MYO1D: variants seen among roughly 807,000 people sequenced by gnomAD.
MYO1D encodes the protein unconventional myosin-Id.
A neutral mutation model predicts 122.0 loss-of-function variants in MYO1D; 83 were observed. That is an observed-to-expected ratio of 0.68 (90% confidence interval 0.57 to 0.82). The LOEUF (loss-of-function observed/expected upper bound fraction) is 0.82. Among genes scored for constraint, MYO1D ranks in the 40% least tolerant of loss-of-function variants. The pLI is 0.00. For missense variants in MYO1D, 1,157 were observed against 1,269.5 expected, an observed-to-expected ratio of 0.91 and a Z score of 1.35; for synonymous variants, 464 against 446.9, an observed-to-expected ratio of 1.04 and a Z score of -0.48.
chr17:32,617,378 C>CT (rs1282898498), intron 20 of MYO1D, among the ~76,000 whole-genome samples: 1 of 152,148 alleles, frequency 6.6e-6, no homozygotes, highest in Non-Finnish European at 1.5e-5. Context: ...CACCCCTAGT[C>CT]TTTAAGTCTT....
intron 14 of MYO1D, among the ~76,000 whole-genome samples, chr17:32,732,247 TG>T (rs2089649803): frequency 6.6e-6 from 1 of 152,194 alleles, no homozygotes; most frequent in African/African-American, 2.4e-5. Flanking sequence ...GACAGGTGCC[TG>T]GGCAGAAAGG....
chr17:32,762,543 T>C (rs1190107084), intron 8 of MYO1D, among the ~76,000 whole-genome samples: 1 of 152,098 alleles, frequency 6.6e-6, no homozygotes, highest in Non-Finnish European at 1.5e-5. Flanking sequence ...CTAGCCCCCA[T>C]AACATTCTCC....
At chr17:32,678,323 A>G (rs990364805) in intron 16 of MYO1D, among the ~76,000 whole-genome samples, 2 of 151,256 alleles carry the variant, frequency 1.3e-5, no homozygotes, top group African/African-American at 4.9e-5. Context: ...TTAGTTACAT[A>G]TGCATACATG....
chr17:32,802,892 TA>T (rs1184976662), intron 1 of MYO1D, among the ~76,000 whole-genome samples: 1 of 152,164 alleles, frequency 6.6e-6, no homozygotes, highest in African/African-American at 2.4e-5. Context: ...CCTGCTGGTC[TA>T]AAAAAGCTGG....
At chr17:32,874,304 C>CTCTCTCTCTCTCTGTGTCTCTG (rs6146033) in intron 1 of MYO1D, among the ~76,000 whole-genome samples, 96,642 of 149,138 alleles carry the variant, frequency 0.65, 32,481 homozygotes, top group African/African-American at 0.85. Flanking sequence ...GTCTCTGTCT[C>CTCTCTCTCTCTCTGTGTCTCTG]TCTCTCTCTC....
intron 21 of MYO1D, among the ~76,000 whole-genome samples, chr17:32,533,080 TCTC>T (rs1310081768): frequency 6.6e-6 from 1 of 152,150 alleles, no homozygotes; most frequent in African/African-American, 2.4e-5. Flanking sequence ...ATTCCTTTTG[TCTC>T]CTCTACCCTC....
intron 1 of MYO1D, among the ~76,000 whole-genome samples, chr17:32,846,846 G>GT (rs2151078341): frequency 6.6e-6 from 1 of 152,202 alleles, no homozygotes; most frequent in East Asian, 1.9e-4. Context: ...AATTAGCCAG[G>GT]TGTAGTGGTC....
Position 32,494,632 on chromosome 17 carries a change from G to A in MYO1D, c.*127C>T. ...GAAAACCAGGAAGGAAATCTTACAG[G>A]GGCGGGGCTCCTCTGGGAGGGGCCC... On this transcript the variant is annotated 3_prime_UTR_variant, in exon 22 of 22. Coordinates refer to ENST00000318217, the MANE Select transcript of MYO1D (RefSeq NM_015194.3). The A allele has an allele frequency of 3.6e-6, 4 of 1,107,412 alleles. No individual in the cohort carries two copies. The highest frequency in any genetic ancestry group is 5.0e-6 in the Non-Finnish European group (4 of 798,892). 68.6% of individuals were successfully genotyped at this position (1,107,412 alleles called of 1,614,324 possible).
rs151003789 is a variant in MYO1D at position 32,716,196 on chromosome 17, T to C, written c.1914-4001A>G. On this transcript the variant is annotated intron_variant, in intron 15 of 21. Transcript: ENST00000318217. ...CACATGCTGTTCCCACTGCCCGGAA[T>C]GCATTTTATCTAGTCCTTGAAAGTC... Among the ~76,000 whole-genome samples the C allele has an allele frequency of 1.1e-4, 16 of 152,340 alleles. No homozygotes were observed. The East Asian group carries it at 2.3e-3, about 22-fold the overall frequency.
At position 32,538,056 on chromosome 17, in the gene MYO1D, C is replaced by G. The variant is rs1353611317; in HGVS notation, c.2865-43141G>C. ...TTTTTCAACCTGTAATGTCTTTGAA[C>G]TGGGAAGCTCCTTACTCTTCATGAT... is the stretch of plus-strand genomic sequence containing the variant. On this transcript the variant is annotated intron_variant, in intron 21 of 21. Coordinates refer to ENST00000318217, the MANE Select transcript of MYO1D (RefSeq NM_015194.3). Among the ~76,000 whole-genome samples, 3 of 152,096 alleles carry G rather than the reference C, an allele frequency of 2.0e-5. No homozygotes were observed. In the East Asian group the frequency reaches 5.8e-4, roughly 29 times the overall value.
intron 16 of MYO1D, among the ~76,000 whole-genome samples, chr17:32,663,953 T>A (rs1049206614): frequency 2.6e-5 from 4 of 152,158 alleles, no homozygotes; most frequent in African/African-American, 9.7e-5. Flanking sequence ...TGGTATGGAG[T>A]TGGAATCTTT....
chr17:32,526,931 A>G lies in MYO1D; in HGVS notation c.2865-32016T>C, dbSNP rs545539264. ...CTTTCAAGAGAATCCTTCTTACAGT[A>G]GAGAGGAAGTTTACAGTTACATAAA... On this transcript the variant is annotated intron_variant, in intron 21 of 21. Coordinates refer to ENST00000318217, the MANE Select transcript of MYO1D (RefSeq NM_015194.3). 9.8e-5 allele frequency among the ~76,000 whole-genome samples: 15 copies of G among 152,356 alleles called. No individual in the cohort carries two copies. In the South Asian group the frequency reaches 2.9e-3, roughly 29 times the overall value.
At chr17:32,600,551 T>C (rs887979085) in intron 21 of MYO1D, among the ~76,000 whole-genome samples, 2 of 152,366 alleles carry the variant, frequency 1.3e-5, no homozygotes, top group East Asian at 1.9e-4. Context: ...CTGCTTCACC[T>C]TGCACTTTTA....
chr17:32,876,154 T>G (rs1400263776), intron 1 of MYO1D, among the ~76,000 whole-genome samples: 2 of 152,086 alleles, frequency 1.3e-5, no homozygotes, highest in Non-Finnish European at 2.9e-5. Flanking sequence ...CTCTTCGATG[T>G]CTGGAAACGT....
Position 32,785,461 on chromosome 17 carries a change from A to T in MYO1D, c.96-4677T>A, listed in dbSNP as rs180862738. Among the ~76,000 whole-genome samples the T allele has an allele frequency of 2.3e-3, 357 of 152,282 alleles. 4 individuals are homozygous for T. The highest frequency in any genetic ancestry group is 7.3e-3 in the African/African-American group (305 of 41,556). ...CTGTCTTCCTTCCTTTTTGAATTTA[A>T]ATGGAATCTTAAGTTACCATGAACG... is the stretch of plus-strand genomic sequence containing the variant. On this transcript the variant is annotated intron_variant, in intron 1 of 21. Coordinates refer to ENST00000318217, the MANE Select transcript of MYO1D (RefSeq NM_015194.3).
intron 7 of MYO1D, 27 bp from the exon 8 acceptor site, chr17:32,765,108 C>T (rs1359073037): frequency 1.3e-6 from 2 of 1,519,216 alleles, no homozygotes; most frequent in African/African-American, 2.7e-5. Flanking sequence ...AAAAATAACA[C>T]ATTATGAAAC....
At chr17:32,665,748 C>T (rs1181079112) in intron 16 of MYO1D, among the ~76,000 whole-genome samples, 1 of 152,214 alleles carries the variant, frequency 6.6e-6, no homozygotes, top group African/African-American at 2.4e-5. Context: ...TCCACTCTCA[C>T]TGAAGGGTGA....
At chr17:32,668,948 C>T (rs564592942) in intron 16 of MYO1D, among the ~76,000 whole-genome samples, 7 of 152,082 alleles carry the variant, frequency 4.6e-5, no homozygotes, top group South Asian at 2.1e-4. Context: ...ATGATCCACC[C>T]GCTTTGGCCT....
intron 1 of MYO1D, among the ~76,000 whole-genome samples, chr17:32,802,044 A>T (rs1449910712): frequency 6.6e-6 from 1 of 152,222 alleles, no homozygotes. Context: ...GCTGTGTGGT[A>T]TACAGCTTGT....
Sources: allele counts gnomAD v4.1 joint callset (sites outside exome capture counted in the v4.1 genomes callset), GRCh38; gene constraint gnomAD v4.1.1; transcripts MANE v1.5; gene names NCBI Gene and HGNC (gene_info 2026-07-23, HGNC 2026-07-21).